LPAR1: variants seen among roughly 807,000 people sequenced by gnomAD.
LPAR1 encodes lysophosphatidic acid receptor 1.
Under a neutral mutation model 23.8 loss-of-function variants are expected in LPAR1, and 5 were observed. The ratio of observed to expected loss-of-function variants is 0.21; its 90% confidence interval spans 0.11 to 0.44. LPAR1 has a LOEUF of 0.44. Ranked by LOEUF, LPAR1 falls within the 20% of genes least tolerant of loss-of-function variation. LPAR1 has a pLI of 0.99. For missense variants in LPAR1, 311 were observed against 482.8 expected (o/e 0.64, Z 3.33); for synonymous variants, 160 against 164.7 (o/e 0.97, Z 0.22).
At chr9:110,908,837 A>G (rs2091884639) in intron 5 of LPAR1, among the ~76,000 whole-genome samples, 1 of 152,236 alleles carries the variant, frequency 6.6e-6, no homozygotes, top group South Asian at 2.1e-4. Context: ...TTCAGAAGGG[A>G]CACGAGAACT....
At chr9:111,019,301 A>G (rs2097515586) in intron 2 of LPAR1, among the ~76,000 whole-genome samples, 1 of 152,164 alleles carries the variant, frequency 6.6e-6, no homozygotes, top group Non-Finnish European at 1.5e-5. Context: ...TCTATTAAAA[A>G]TAATAATAAT....
At chr9:111,001,243 A>G (rs949749223) in intron 2 of LPAR1, among the ~76,000 whole-genome samples, 3 of 152,204 alleles carry the variant, frequency 2.0e-5, no homozygotes, top group African/African-American at 7.2e-5. Flanking sequence ...AATCAAAATG[A>G]TTATTTAAAT....
chr9:110,877,453 T>C (rs1380640646), intron 5 of LPAR1, among the ~76,000 whole-genome samples: 2 of 152,348 alleles, frequency 1.3e-5, no homozygotes, highest in East Asian at 1.9e-4. Flanking sequence ...AATAAAAATG[T>C]TAATAAAGCA....
chr9:111,025,154 A>G (rs540001721), intron 2 of LPAR1, among the ~76,000 whole-genome samples: 41 of 152,292 alleles, frequency 2.7e-4, no homozygotes, highest in Non-Finnish European at 1.3e-4. Context: ...GAACTAATTT[A>G]CACTCCCACC....
chr9:110,891,035 G>T (rs1432937617), intron 5 of LPAR1, among the ~76,000 whole-genome samples: 1 of 152,116 alleles, frequency 6.6e-6, no homozygotes, highest in African/African-American at 2.4e-5. Context: ...ATAAGAAAAG[G>T]ATATCCATTT....
At chr9:110,970,829 T>C (rs1261655981) in intron 4 of LPAR1, among the ~76,000 whole-genome samples, 1 of 152,192 alleles carries the variant, frequency 6.6e-6, no homozygotes, top group African/African-American at 2.4e-5. Flanking sequence ...CTTGAAAGTA[T>C]GCTTTTTTCT....
chr9:110,877,977 C>T (rs566538855), intron 5 of LPAR1, among the ~76,000 whole-genome samples: 3 of 152,184 alleles, frequency 2.0e-5, no homozygotes, highest in South Asian at 4.1e-4. Flanking sequence ...AGCCCATAAG[C>T]CTTACTTTTA....
At chr9:110,989,061 G>T (rs956644018) in intron 2 of LPAR1, among the ~76,000 whole-genome samples, 1 of 152,168 alleles carries the variant, frequency 6.6e-6, no homozygotes, top group Admixed American at 6.6e-5. Context: ...CTGTTTACAT[G>T]AAATGTCCAA....
At chr9:111,003,215 C>T (rs1160335813) in intron 2 of LPAR1, among the ~76,000 whole-genome samples, 1 of 152,118 alleles carries the variant, frequency 6.6e-6, no homozygotes, top group Non-Finnish European at 1.5e-5. Flanking sequence ...TATTAATCAG[C>T]TGAAATGTGT....
At chr9:110,887,929 T>C (rs2082855285) in intron 5 of LPAR1, among the ~76,000 whole-genome samples, 1 of 150,528 alleles carries the variant, frequency 6.6e-6, no homozygotes, top group Non-Finnish European at 1.5e-5. Flanking sequence ...GTATTCTTTA[T>C]TTTAAAAGCT....
chr9:111,017,678 T>C (rs574767843), intron 2 of LPAR1, among the ~76,000 whole-genome samples: 1 of 152,312 alleles, frequency 6.6e-6, no homozygotes, highest in Non-Finnish European at 1.5e-5. Flanking sequence ...TTCACAGAAG[T>C]ATACTCATCA....
chr9:110,957,296 T>C (rs1022762364), intron 4 of LPAR1, among the ~76,000 whole-genome samples: 1 of 150,558 alleles, frequency 6.6e-6, no homozygotes, highest in African/African-American at 2.5e-5. Context: ...GCTATGATTA[T>C]GCCATTGCAC....
intron 5 of LPAR1, among the ~76,000 whole-genome samples, chr9:110,920,382 G>A (rs2093541924): frequency 6.6e-6 from 1 of 152,132 alleles, no homozygotes; most frequent in African/African-American, 2.4e-5. Flanking sequence ...AAGTAAGGTC[G>A]ATAAGCAATT....
chr9:111,035,325 CAT>C (rs1434706239), intron 2 of LPAR1, among the ~76,000 whole-genome samples: 4 of 152,182 alleles, frequency 2.6e-5, no homozygotes, highest in Non-Finnish European at 4.4e-5. Flanking sequence ...GGGCTGAAGC[CAT>C]CCTCCCTCCT....
At chr9:110,934,134 T>C (rs2094551069) in intron 5 of LPAR1, among the ~76,000 whole-genome samples, 1 of 152,188 alleles carries the variant, frequency 6.6e-6, no homozygotes, top group Admixed American at 6.5e-5. Flanking sequence ...GGGATGCCAC[T>C]GGGACCTGAG....
At chr9:110,916,779 G>T (rs2093154833) in intron 5 of LPAR1, among the ~76,000 whole-genome samples, 2 of 151,668 alleles carry the variant, frequency 1.3e-5, no homozygotes, top group Non-Finnish European at 2.9e-5. Context: ...ACTTTAACTA[G>T]AAATTATAAA....
chr9:110,974,546 C>A (rs1250440324), intron 2 of LPAR1, among the ~76,000 whole-genome samples: 7 of 152,196 alleles, frequency 4.6e-5, no homozygotes, highest in Admixed American at 2.6e-4. Flanking sequence ...ACTACAGTTT[C>A]AATCACTTTA....
In LPAR1 at chr9:110,884,327, C is replaced by T. The variant is rs191558676; in HGVS notation, c.794-8605G>A. On this transcript the variant is annotated intron_variant, in intron 5 of 5. Transcript: ENST00000683809. Reference sequence around the variant, plus strand: ...TTACCGCTACTTCTGGGATGCCTTCCCTGATTAAGTCAAAAATCCCTTTGT... The same window carrying T: ...TTACCGCTACTTCTGGGATGCCTTCTCTGATTAAGTCAAAAATCCCTTTGT... Among the ~76,000 whole-genome samples the T allele has an allele frequency of 5.3e-4, 80 of 152,218 alleles. No homozygotes were observed. In the East Asian group the frequency reaches 0.011, roughly 21 times the overall value.
At chr9:110,996,355 G>A (rs575363518) in intron 2 of LPAR1, among the ~76,000 whole-genome samples, 4 of 152,164 alleles carry the variant, frequency 2.6e-5, no homozygotes, top group African/African-American at 4.8e-5. Flanking sequence ...CCAGGGGTTC[G>A]AGACCAGCCT....
Sources: allele counts gnomAD v4.1 joint callset (sites outside exome capture counted in the v4.1 genomes callset), GRCh38; gene constraint gnomAD v4.1.1; transcripts MANE v1.5; gene names NCBI Gene and HGNC (gene_info 2026-07-23, HGNC 2026-07-21).